STXBP5L: variants seen among roughly 807,000 people sequenced by gnomAD.
The protein encoded by STXBP5L is syntaxin binding protein 5L.
In STXBP5L, 65 loss-of-function variants were observed where a neutral mutation model predicts 144.5. The ratio of observed to expected loss-of-function variants is 0.45; its 90% CI spans 0.37 to 0.55. STXBP5L has a LOEUF of 0.55. Ranked by LOEUF, STXBP5L falls within the 20% of genes least tolerant of loss-of-function variation. STXBP5L has a pLI of 0.00. For synonymous variants in STXBP5L, 505 were observed against 469.6 expected (o/e 1.08, Z -0.97); for missense variants, 1,298 against 1,405.5 (o/e 0.92, Z 1.22).
intron 3 of STXBP5L, among the ~76,000 whole-genome samples, chr3:120,956,770 A>G (rs1281954153): frequency 1.3e-5 from 2 of 151,886 alleles, no homozygotes; most frequent in Non-Finnish European, 2.9e-5. Flanking sequence ...CATAGCAGCT[A>G]TACTGGTTTA....
intron 20 of STXBP5L, chr3:121,357,127 TA>T (rs1197923036): frequency 6.1e-6 from 1 of 164,782 alleles, no homozygotes; most frequent in Non-Finnish European, 1.4e-5. Flanking sequence ...CAAAACCTCA[TA>T]AACTCCAGAA....
chr3:121,129,414 G>T (rs1478671082), intron 7 of STXBP5L, among the ~76,000 whole-genome samples: 29 of 150,138 alleles, frequency 1.9e-4, no homozygotes, highest in Non-Finnish European at 3.4e-4. Context: ...GAGTTCCATT[G>T]TGTAGGTTTT....
At chr3:120,913,219 T>A (rs590663) in intron 2 of STXBP5L, among the ~76,000 whole-genome samples, 38,185 of 151,558 alleles carry the variant, frequency 0.25, 4,948 homozygotes, top group African/African-American at 0.28. Context: ...AAGCAAATAA[T>A]TTTTTTTTCT....
At chr3:121,013,378 A>G (rs1944919582) in intron 3 of STXBP5L, among the ~76,000 whole-genome samples, 2 of 152,054 alleles carry the variant, frequency 1.3e-5, no homozygotes, top group Non-Finnish European at 2.9e-5. Context: ...CTTTTTAATA[A>G]TAGTCATTCT....
intron 1 of STXBP5L, among the ~76,000 whole-genome samples, 188 bp from the exon 2 acceptor site, chr3:120,909,383 A>G (rs1000520542): frequency 1.4e-4 from 21 of 152,308 alleles, no homozygotes; most frequent in African/African-American, 5.1e-4. Context: ...CTTTTTTTAA[A>G]AAGGATATGC....
intron 3 of STXBP5L, among the ~76,000 whole-genome samples, chr3:120,970,907 G>A (rs1488358021): frequency 6.6e-6 from 1 of 152,058 alleles, no homozygotes; most frequent in Non-Finnish European, 1.5e-5. Context: ...AAGACTTACA[G>A]TGAACAACAG....
intron 3 of STXBP5L, among the ~76,000 whole-genome samples, chr3:121,015,232 G>A (rs2108165329): frequency 6.6e-6 from 1 of 152,192 alleles, no homozygotes; most frequent in African/African-American, 2.4e-5. Flanking sequence ...ATTAATATAA[G>A]AATTTATGAT....
chr3:120,989,984 AG>A (rs1406881004), intron 3 of STXBP5L, among the ~76,000 whole-genome samples: 1 of 152,168 alleles, frequency 6.6e-6, no homozygotes, highest in Non-Finnish European at 1.5e-5. Flanking sequence ...AAGGAAATAA[AG>A]GGTATTCAAT....
At chr3:121,250,887 T>C in intron 15 of STXBP5L, 124 bp downstream of exon 15, 8 of 750,030 alleles carry the variant, frequency 1.1e-5, no homozygotes, top group South Asian at 1.9e-5. Flanking sequence ...TGTGGCTGTG[T>C]TACAAAAATC....
At chr3:121,211,583 T>TC (rs1333973862) in intron 10 of STXBP5L, among the ~76,000 whole-genome samples, 1 of 142,384 alleles carries the variant, frequency 7.0e-6, no homozygotes, top group Non-Finnish European at 1.5e-5. Context: ...TCTTTCTTTT[T>TC]TTTTTTTTTT....
At chr3:121,089,092 T>TAAAAAAAAAAA (rs375977537) in intron 5 of STXBP5L, among the ~76,000 whole-genome samples, 3 of 56,148 alleles carry the variant, frequency 5.3e-5, no homozygotes, top group East Asian at 6.8e-4. Flanking sequence ...TAGAGTATAA[T>TAAAAAAAAAAA]AAAAAAAAAA....
At chr3:121,304,600 C>G (rs1221017836) in intron 19 of STXBP5L, among the ~76,000 whole-genome samples, 2 of 152,064 alleles carry the variant, frequency 1.3e-5, no homozygotes, top group Non-Finnish European at 2.9e-5. Flanking sequence ...AGCAACTCAT[C>G]TCTAAATAAC....
intron 9 of STXBP5L, among the ~76,000 whole-genome samples, chr3:121,172,679 C>A (rs2046771369): frequency 6.6e-6 from 1 of 152,126 alleles, no homozygotes; most frequent in South Asian, 2.1e-4. Context: ...AGTCAGGAAA[C>A]AACAGATGCT....
At chr3:121,324,480 T>C in intron 20 of STXBP5L, 1 of 680,520 alleles carries the variant, frequency 1.5e-6, no homozygotes, top group Non-Finnish European at 2.6e-6. Context: ...AGTTTTATAT[T>C]CCCTTCCTTT....
intron 9 of STXBP5L, among the ~76,000 whole-genome samples, chr3:121,160,749 C>T (rs770196212): frequency 1.7e-4 from 26 of 151,700 alleles, no homozygotes; most frequent in Admixed American, 1.5e-3. Flanking sequence ...TTTTGTGGGT[C>T]CCGTCATATT....
intron 18 of STXBP5L, among the ~76,000 whole-genome samples, chr3:121,275,828 G>A (rs927945358): frequency 1.2e-4 from 19 of 152,078 alleles, no homozygotes; most frequent in Middle Eastern, 3.4e-3. Flanking sequence ...GTCTATATTA[G>A]TATAGTCGTT....
rs1009084360 is a variant in STXBP5L at position 121,002,401 on chromosome 3, G to GT, written c.288-39291dup. ...CATTTGCCCATTTTAAAATTTGAGG[G>GT]TTTTTTTTGTTATTGAGTTATATGA... On this transcript the variant is annotated intron_variant, in intron 3 of 26. Transcript: ENST00000471454. Among the ~76,000 whole-genome samples the GT allele has an allele frequency of 4.3e-4, 65 of 151,562 alleles. No homozygotes were observed. In the South Asian group the frequency reaches 8.8e-3, roughly 20 times the overall value.
chr3:121,408,092 A>G (rs1323759776), intron 23 of STXBP5L, among the ~76,000 whole-genome samples: 1 of 151,996 alleles, frequency 6.6e-6, no homozygotes, highest in African/African-American at 2.4e-5. Flanking sequence ...TCCATTTTAC[A>G]TGTGTTAATA....
At chr3:121,009,895 G>A (rs1944642746) in intron 3 of STXBP5L, among the ~76,000 whole-genome samples, 1 of 151,838 alleles carries the variant, frequency 6.6e-6, no homozygotes, top group South Asian at 2.1e-4. Flanking sequence ...CCTTGCTCAA[G>A]AACTCGAAAG....
Sources: gnomAD v4.1 joint callset for allele counts (sites outside exome capture counted in the v4.1 genomes callset) on GRCh38, gnomAD v4.1.1 for gene constraint, MANE v1.5 for transcripts, NCBI Gene and HGNC (gene_info 2026-07-23, HGNC 2026-07-21) for gene names.